IRF2: variants seen among roughly 807,000 people sequenced by gnomAD.
IRF2 encodes interferon regulatory factor 2.
Under a neutral mutation model 40.6 loss-of-function variants are expected in IRF2, and 15 were observed. The ratio of observed to expected loss-of-function variants is 0.37; its 90% CI spans 0.25 to 0.57. The LOEUF (loss-of-function observed/expected upper bound fraction) is 0.57. IRF2 is among the 20% of genes least tolerant of loss of function. The probability of loss-of-function intolerance (pLI) is 0.77; values close to 1 mark genes in which losing one functional copy is unlikely to be tolerated. For missense variants in IRF2, 317 were observed against 455.7 expected, an observed-to-expected ratio of 0.70 and a Z score of 2.77; for synonymous variants, 151 against 165.5, an observed-to-expected ratio of 0.91 and a Z score of 0.67.
At chr4:184,468,571 C>T (rs1272978027) in intron 1 of IRF2, among the ~76,000 whole-genome samples, 1 of 152,116 alleles carries the variant, frequency 6.6e-6, no homozygotes, top group East Asian at 1.9e-4. Context: ...GGCAAGTGGG[C>T]AGAGCCAACA....
chr4:184,424,707 T>C (rs1430760587), intron 2 of IRF2, among the ~76,000 whole-genome samples: 2 of 152,186 alleles, frequency 1.3e-5, no homozygotes, highest in African/African-American at 4.8e-5. Context: ...TCCTCTTCTT[T>C]ACAAATTATC....
At chr4:184,459,249 C>T (rs1316943849) in intron 1 of IRF2, among the ~76,000 whole-genome samples, 3 of 152,158 alleles carry the variant, frequency 2.0e-5, no homozygotes, top group Non-Finnish European at 1.5e-5. Flanking sequence ...TATTTCTCCT[C>T]TCACAAGACA....
intron 1 of IRF2, among the ~76,000 whole-genome samples, chr4:184,455,755 T>TA (rs374976727): frequency 5.9e-5 from 9 of 151,682 alleles, no homozygotes; most frequent in Non-Finnish European, 1.0e-4. Context: ...GCATGCAACC[T>TA]AAAAAAAAAT....
chr4:184,453,372 C>A (rs1738798849), intron 1 of IRF2, among the ~76,000 whole-genome samples: 1 of 152,188 alleles, frequency 6.6e-6, no homozygotes, highest in African/African-American at 2.4e-5. Flanking sequence ...TTCAGCAAAG[C>A]AAGAATCATG....
chr4:184,408,736 G>C lies in IRF2; in HGVS notation c.412-461C>G, dbSNP rs770621764. The stretch of plus-strand genomic sequence containing the variant: ...AGCTCTGCCTCAGTGACTGGCCCAA[G>C]AACAGGAGCCCAGAGGACATTGTAG... On this transcript the variant is annotated intron_variant, in intron 5 of 8. Transcript: ENST00000393593. This position sits in a 1 kb window ranked among gnomAD's most constrained non-coding sequence, Gnocchi z 4.9. Among the ~76,000 whole-genome samples the C allele has an allele frequency of 2.0e-5, 3 of 152,210 alleles. No homozygotes were observed. The highest frequency in any genetic ancestry group is 3.2e-3 in the Middle Eastern group (1 of 316).
At chr4:184,465,639 T>A (rs1739291727) in intron 1 of IRF2, among the ~76,000 whole-genome samples, 1 of 152,124 alleles carries the variant, frequency 6.6e-6, no homozygotes, top group African/African-American at 2.4e-5. Flanking sequence ...TCAGCATAGA[T>A]CATAAATATT....
At chr4:184,473,265 C>G (rs1739585964) in intron 1 of IRF2, among the ~76,000 whole-genome samples, 1 of 150,282 alleles carries the variant, frequency 6.7e-6, no homozygotes, top group Non-Finnish European at 1.5e-5. Flanking sequence ...CGGCCCGCGC[C>G]CCGGGACCCC....
At chr4:184,407,498 A>C (rs112828016) in intron 6 of IRF2, among the ~76,000 whole-genome samples, 3 of 152,242 alleles carry the variant, frequency 2.0e-5, no homozygotes, top group African/African-American at 7.2e-5. Context: ...AGGAGGGAAA[A>C]CACTGCTCCT....
intron 1 of IRF2, among the ~76,000 whole-genome samples, chr4:184,442,643 T>C (rs896663936): frequency 1.3e-5 from 2 of 152,098 alleles, no homozygotes; most frequent in African/African-American, 4.8e-5. Context: ...GCATCCTCAA[T>C]ATTTGTCAAT....
intron 1 of IRF2, among the ~76,000 whole-genome samples, chr4:184,470,092 G>A (rs1739462719): frequency 6.6e-6 from 1 of 152,084 alleles, no homozygotes; most frequent in African/African-American, 2.4e-5. Context: ...ATCGTGCACC[G>A]ACCACTGATT....
Position 184,398,962 on chromosome 4 carries a change from A to C in IRF2, c.647T>G (p.Met216Arg). The C allele has an allele frequency of 6.2e-7, 1 of 1,612,838 alleles. No homozygotes were observed. Among genetic ancestry groups the C allele is most frequent in the East Asian group, 2.2e-5 (1 of 44,630 alleles). Residue 216 changes from methionine to arginine, a missense_variant, in exon 7 of 9, where the codon ATG becomes AGG. Physicochemically the swap from Met to Arg is moderately conservative, Grantham distance 91. Around this residue, in one of 2 missense-constraint regions of IRF2, gnomAD observed 262 missense variants for 334.0 expected, o/e 0.78. Transcript: ENST00000393593. The stretch of plus-strand genomic sequence containing the variant: ...GATCTGCAGAGGGTAGAGCTCGCTC[A>C]TGCTGACCGGCTGCTCGTCGCTCTC... ...TTESDEQPVS[M>R]SELYPLQISP...
chr4:184,458,010 T>C (rs1739006931), intron 1 of IRF2, among the ~76,000 whole-genome samples: 1 of 152,174 alleles, frequency 6.6e-6, no homozygotes, highest in Admixed American at 6.5e-5. Context: ...GAGTGGTCCA[T>C]GCACCAGGAA....
intron 6 of IRF2, among the ~76,000 whole-genome samples, 160 bp from the exon 7 acceptor site, chr4:184,399,239 C>G (rs374816043): frequency 6.6e-6 from 1 of 152,240 alleles, no homozygotes; most frequent in African/African-American, 2.4e-5. Flanking sequence ...CTCTGTAGCT[C>G]TGGTGTGATG....
At chr4:184,452,846 T>C (rs1316266872) in intron 1 of IRF2, among the ~76,000 whole-genome samples, 3 of 129,476 alleles carry the variant, frequency 2.3e-5, no homozygotes, top group Non-Finnish European at 5.0e-5. Flanking sequence ...CAAATAAACA[T>C]GTAAAATATC....
chr4:184,470,653 G>A (rs1453395756), intron 1 of IRF2, among the ~76,000 whole-genome samples: 14 of 140,066 alleles, frequency 1.0e-4, no homozygotes, highest in Non-Finnish European at 1.6e-4. Flanking sequence ...GTGTGCCACT[G>A]TACACCAGTC....
rs1736896419 is a variant in IRF2 at position 184,407,363 on chromosome 4, C to T, written c.529+795G>A. ...AAAGCAGGCTGAGGTCTTTTGGGCA[C>T]TATTCCTGTGCATCTGGCCATACAG... On this transcript the variant is annotated intron_variant, in intron 6 of 8. Coordinates refer to ENST00000393593, the MANE Select transcript of IRF2 (RefSeq NM_002199.4). 3 of 656,640 alleles carry T rather than the reference C, an allele frequency of 4.6e-6. No individual in the cohort carries two copies. In the Admixed American group the frequency reaches 1.0e-4, roughly 23 times the overall value. The allele number at this position is 656,640 out of a possible 1,614,324, so 40.7% of individuals were successfully genotyped here.
At chr4:184,457,488 AC>A (rs1489997824) in intron 1 of IRF2, among the ~76,000 whole-genome samples, 4 of 152,212 alleles carry the variant, frequency 2.6e-5, no homozygotes, top group Non-Finnish European at 5.9e-5. Context: ...TGGGTTTCTT[AC>A]CTGAATTTGA....
At chr4:184,409,002 T>C (rs986491207) in intron 5 of IRF2, among the ~76,000 whole-genome samples, 2 of 152,178 alleles carry the variant, frequency 1.3e-5, no homozygotes, top group South Asian at 2.1e-4. Flanking sequence ...TGCTTTTTTT[T>C]CAAGTGCACC....
At chr4:184,461,074 C>CG (rs904060561) in intron 1 of IRF2, among the ~76,000 whole-genome samples, 18 of 152,138 alleles carry the variant, frequency 1.2e-4, no homozygotes, top group Admixed American at 2.0e-4. Context: ...CACTTTACCG[C>CG]GGGGGGCAGG....
Sources: gnomAD v4.1 joint callset for allele counts (sites outside exome capture counted in the v4.1 genomes callset) on GRCh38, gnomAD v4.1.1 for gene constraint, gnomAD v4.1.1 regional missense constraint, Gnocchi (gnomAD v3.1) non-coding constraint, MANE v1.5 for transcripts, NCBI Gene and HGNC (gene_info 2026-07-23, HGNC 2026-07-21) for gene names.